The following JPH3 variants were observed in gnomAD, a reference collection of about 807,000 sequenced individuals.
JPH3 encodes the protein junctophilin 3, also known as junctophilin-3.
A neutral mutation model predicts 59.6 loss-of-function variants in JPH3; 11 were observed. That is an observed-to-expected ratio of 0.18 (90% CI 0.12 to 0.31). The LOEUF (loss-of-function observed/expected upper bound fraction) is 0.31, where lower values mean the gene tolerates loss of function less well. Ranked by LOEUF, JPH3 falls within the 10% of genes least tolerant of loss-of-function variation. The probability of loss-of-function intolerance (pLI) is 1.00; values close to 1 mark genes in which losing one functional copy is unlikely to be tolerated. For missense variants in JPH3, 1,202 were observed against 1,105.7 expected (o/e 1.09, Z -1.24); for synonymous variants, 673 against 483.6 (o/e 1.39, Z -5.14).
At chr16:87,675,731 G>A (rs994123839) in intron 2 of JPH3, among the ~76,000 whole-genome samples, 1 of 152,198 alleles carries the variant, frequency 6.6e-6, no homozygotes, top group African/African-American at 2.4e-5. Flanking sequence ...GGTGGTCCCA[G>A]CTGCAGCAGG....
intron 1 of JPH3, among the ~76,000 whole-genome samples, chr16:87,623,258 T>G (rs936569977): frequency 2.0e-5 from 3 of 152,180 alleles, no homozygotes; most frequent in Non-Finnish European, 4.4e-5. Flanking sequence ...TGGCTGACAC[T>G]CGGAGCCAGT....
intron 2 of JPH3, chr16:87,654,727 C>G (rs4843657): frequency 0.33 from 49,740 of 152,088 alleles, 8,236 homozygotes; most frequent in East Asian, 0.39. Context: ...GGGCAGGACG[C>G]AAACCCCACA....
intron 2 of JPH3, among the ~76,000 whole-genome samples, chr16:87,682,481 G>T (rs1051162491): frequency 6.6e-6 from 1 of 152,160 alleles, no homozygotes; most frequent in Non-Finnish European, 1.5e-5. Context: ...TCATAGTGGG[G>T]ATTAGTGCCC....
chr16:87,696,259 C>T (rs866463855), intron 4 of JPH3: 2 of 470,954 alleles, frequency 4.2e-6, no homozygotes, highest in African/African-American at 3.9e-5. Context: ...CGTTTGCTTG[C>T]AGGGAGGCCT....
chr16:87,637,407 AGAGAGT>A (rs2031789077), intron 1 of JPH3, among the ~76,000 whole-genome samples: 1 of 133,004 alleles, frequency 7.5e-6, no homozygotes, highest in Admixed American at 7.4e-5. Flanking sequence ...AGAGAGAGAG[AGAGAGT>A]GTGTGTGTTT....
chr16:87,697,241 G>GGCC lies in JPH3; in HGVS notation c.*582_*584dup, dbSNP rs2033915745. The GGCC allele has an allele frequency of 6.5e-6, 1 of 154,522 alleles. No individual in the cohort carries two copies. The highest frequency in any genetic ancestry group is 1.4e-5 in the Non-Finnish European group (1 of 69,440). The allele number at this position is 154,522 out of a possible 1,614,324, so 9.6% of individuals were successfully genotyped here. A position where few individuals can be genotyped will look rare whatever the true frequency, so the allele number is the denominator to read the frequency against. On this transcript the variant is annotated 3_prime_UTR_variant, in exon 5 of 5. Coordinates refer to ENST00000284262, the MANE Select transcript of JPH3 (RefSeq NM_020655.4). ...CACACCTGAGGGAGGGGGAGGGATCGGCCACCTCCTCCCTGTGAGACGGAT... is the reference window on the plus strand; with the variant it reads ...CACACCTGAGGGAGGGGGAGGGATCGGCCGCCACCTCCTCCCTGTGAGACGGAT...
chr16:87,695,913 C>T, intron 4 of JPH3: 1 of 456,074 alleles, frequency 2.2e-6, no homozygotes, highest in Middle Eastern at 3.3e-4. Context: ...GCACTTGGGG[C>T]TCCGGCGGAG....
At chr16:87,655,633 G>T (rs780317458) in intron 2 of JPH3, among the ~76,000 whole-genome samples, 5 of 152,200 alleles carry the variant, frequency 3.3e-5, no homozygotes, top group Non-Finnish European at 7.3e-5. Flanking sequence ...GATTACAGGC[G>T]TGAGCCACTA....
chr16:87,652,013 T>G (rs1265349013), intron 2 of JPH3, among the ~76,000 whole-genome samples: 1 of 152,156 alleles, frequency 6.6e-6, no homozygotes, highest in Admixed American at 6.6e-5. Context: ...CTCGCTCTGT[T>G]GCCCAGGCTG....
At chr16:87,684,829 G>T (rs563155366) in intron 3 of JPH3, among the ~76,000 whole-genome samples, 12 of 152,148 alleles carry the variant, frequency 7.9e-5, no homozygotes, top group Admixed American at 2.6e-4. Context: ...CTCCCTTCGA[G>T]GGGGGGATCA....
At chr16:87,655,224 C>A (rs2032456230) in intron 2 of JPH3, among the ~76,000 whole-genome samples, 1 of 152,266 alleles carries the variant, frequency 6.6e-6, no homozygotes, top group African/African-American at 2.4e-5. Context: ...GGCCCTTGGG[C>A]TGCATATTCG....
chr16:87,692,218 C>T (rs767754787), intron 4 of JPH3, among the ~76,000 whole-genome samples: 5 of 129,158 alleles, frequency 3.9e-5, no homozygotes, highest in East Asian at 2.0e-4. Flanking sequence ...TCTCCCTCCC[C>T]GTCTCCCTCC....
intron 1 of JPH3, chr16:87,604,383 C>T (rs1161640332): frequency 3.5e-6 from 5 of 1,432,898 alleles, no homozygotes; most frequent in Non-Finnish European, 3.7e-6. Flanking sequence ...GCCCGCCTGC[C>T]TGGACTCTCC....
intron 1 of JPH3, among the ~76,000 whole-genome samples, chr16:87,643,152 T>G (rs2032011062): frequency 6.6e-6 from 1 of 152,238 alleles, no homozygotes. Context: ...TGTGGCCTTT[T>G]GTGCCCAGCT....
At chr16:87,655,664 A>G (rs933670782) in intron 2 of JPH3, among the ~76,000 whole-genome samples, 2 of 152,184 alleles carry the variant, frequency 1.3e-5, no homozygotes, top group African/African-American at 2.4e-5. Context: ...ATAATGTTCT[A>G]TTTTAATTTC....
At chr16:87,670,779 C>T (rs775092933) in intron 2 of JPH3, among the ~76,000 whole-genome samples, 1 of 152,060 alleles carries the variant, frequency 6.6e-6, no homozygotes, top group East Asian at 1.9e-4. Flanking sequence ...CAGGCCCTGT[C>T]GTTGGTTTGT....
chr16:87,633,435 A>G (rs60829527), intron 1 of JPH3, among the ~76,000 whole-genome samples: 11,002 of 150,794 alleles, frequency 0.073, 1,241 homozygotes, highest in African/African-American at 0.24. Context: ...TTAAGCCCAT[A>G]GTGAATTCCG....
At chr16:87,668,744 C>T (rs1204513239) in intron 2 of JPH3, among the ~76,000 whole-genome samples, 3 of 152,134 alleles carry the variant, frequency 2.0e-5, no homozygotes, top group Non-Finnish European at 4.4e-5. Flanking sequence ...AGCTCCCAGC[C>T]CTGGTGCTCA....
intron 2 of JPH3, among the ~76,000 whole-genome samples, chr16:87,646,305 C>A (rs771904702): frequency 6.6e-6 from 1 of 152,138 alleles, no homozygotes; most frequent in Non-Finnish European, 1.5e-5. Flanking sequence ...ATATGTTGCT[C>A]GCGACTTCTA....
Sources: gnomAD v4.1 joint callset for allele counts (sites outside exome capture counted in the v4.1 genomes callset) on GRCh38, gnomAD v4.1.1 for gene constraint, MANE v1.5 for transcripts, NCBI Gene and HGNC (gene_info 2026-07-23, HGNC 2026-07-21) for gene names.